The following CFAP92 variants were observed in gnomAD, a reference collection of about 807,000 sequenced individuals.
The protein encoded by CFAP92 is uncharacterized protein CFAP92.
Under a neutral mutation model 106.3 loss-of-function variants are expected in CFAP92, and 86 were observed. The ratio of observed to expected loss-of-function variants is 0.81; its 90% CI spans 0.68 to 0.97. The LOEUF (loss-of-function observed/expected upper bound fraction) is 0.97. Among genes scored for constraint, CFAP92 ranks in the 50% least tolerant of loss-of-function variants. The probability of loss-of-function intolerance (pLI) is 0.00; values close to 1 mark genes in which losing one functional copy is unlikely to be tolerated. For synonymous variants in CFAP92, 477 were observed against 506.4 expected (o/e 0.94, Z 0.78); for missense variants, 1,204 against 1,283.8 (o/e 0.94, Z 0.95).
At position 128,945,348 on chromosome 3, in the gene CFAP92, T is replaced by C. The variant is rs920694548; in HGVS notation, c.1981A>G (p.Ile661Val). The C allele has an allele frequency of 8.0e-5, 123 of 1,536,054 alleles. No individual in the cohort carries two copies. The highest frequency in any genetic ancestry group is 4.5e-4 in the Admixed American group (23 of 50,986). The change falls in exon 10 of 16, where the codon ATC becomes GTC. Residue 661 changes from isoleucine (I) to valine (V), a missense_variant. By Grantham distance (29) the Ile-to-Val change is conservative. Transcript: ENST00000645291. The part of the protein sequence containing the change: ...PDLGGSQFGR[I>V]IFVFDFKKVS... The stretch of plus-strand genomic sequence containing the variant: ...TTCTTAAAGTCAAAGACGAAGATGA[T>C]GCGGCCAAACTGGGAGCCCCCAAGG...
At chr3:128,963,326 C>G (rs534226713) in intron 9 of CFAP92, among the ~76,000 whole-genome samples, 103 of 152,232 alleles carry the variant, frequency 6.8e-4, no homozygotes, top group African/African-American at 2.3e-3. Flanking sequence ...ACTGTTTTAG[C>G]CTAGCCCTCA....
At position 128,993,149 on chromosome 3, in the gene CFAP92, G is replaced by C; in HGVS notation, c.156C>G (p.Cys52Trp). The C allele has an allele frequency of 1.2e-6, 2 of 1,614,086 alleles. No homozygotes were observed. Among genetic ancestry groups the C allele is most frequent in the Non-Finnish European group, 1.7e-6 (2 of 1,179,904 alleles). ...GCTCAGATGAGGACTCGATGCTGCT[G>C]CACGGGCGGTCAGAGTCAGACTCCT... is the stretch of plus-strand genomic sequence containing the variant. ...RAQESDSDRP[C>W]SSIESSSEPA... The change falls in exon 2 of 16, where the codon TGC (cysteine) becomes TGG (tryptophan). Residue 52 changes from cysteine (C) to tryptophan (W), a missense_variant. Cys to Trp is a radical substitution (Grantham distance 215, BLOSUM62 -2). Coordinates refer to ENST00000645291, the MANE Select transcript of CFAP92 (RefSeq NM_001394090.1).
At chr3:128,995,792 A>G (rs1486876695), upstream of CFAP92, among the ~76,000 whole-genome samples, 1 of 152,250 alleles carries the variant, frequency 6.6e-6, no homozygotes, top group Non-Finnish European at 1.5e-5. Context: ...GGCTTCATTA[A>G]AGACCTGTGG....
upstream of CFAP92, among the ~76,000 whole-genome samples, chr3:129,007,002 A>G (rs1945104438): frequency 6.6e-6 from 1 of 152,170 alleles, no homozygotes; most frequent in Non-Finnish European, 1.5e-5. Context: ...TCTAAAAGAA[A>G]AGTGTTACTG....
chr3:128,971,133 G>A lies in CFAP92; in HGVS notation c.1168+154C>T. Reference sequence around the variant, plus strand: ...CCTCTCTGGGCCTTTGTTTCCCCCTGTACTATGAAGCCAATTCCCCTGAGT... The same window carrying A: ...CCTCTCTGGGCCTTTGTTTCCCCCTATACTATGAAGCCAATTCCCCTGAGT... On this transcript the variant is annotated intron_variant, in intron 8 of 15. Transcript: ENST00000645291. 6 of 1,205,592 alleles carry A rather than the reference G, an allele frequency of 5.0e-6. No homozygotes were observed. In the South Asian group the frequency reaches 5.6e-5, roughly 11 times the overall value. The allele number at this position is 1,205,592 out of a possible 1,614,324, so 74.7% of individuals were successfully genotyped here.
At chr3:129,008,026 G>A in the CFAP92 span, among the ~76,000 whole-genome samples, 1 of 152,204 alleles carries the variant, frequency 6.6e-6, no homozygotes, top group Non-Finnish European at 1.5e-5. Context: ...TCTTTGGCAG[G>A]GCCATGATCC....
chr3:128,949,227 G>GA lies in CFAP92; in HGVS notation c.1354-3253dup, dbSNP rs367789350. Among the ~76,000 whole-genome samples the GA allele has an allele frequency of 1.8e-3, 281 of 152,278 alleles. 1 individual carries two copies. Among genetic ancestry groups the GA allele is most frequent in the African/African-American group, 6.4e-3 (266 of 41,542 alleles). ...TTGTTGGCATTTACCCTAAAGAACT[G>GA]AAAACTTATGTTCCTATAAAAACAT... is the stretch of plus-strand genomic sequence containing the variant. On this transcript the variant is annotated intron_variant, in intron 9 of 15. Transcript: ENST00000645291.
intron 2 of CFAP92, among the ~76,000 whole-genome samples, chr3:128,990,106 A>T (rs1043935974): frequency 7.2e-5 from 11 of 152,286 alleles, no homozygotes; most frequent in Non-Finnish European, 1.3e-4. Flanking sequence ...CATTTGAAAC[A>T]ACTCAAATAT....
At chr3:129,023,391 C>T in the CFAP92 span, among the ~76,000 whole-genome samples, 20 of 150,498 alleles carry the variant, frequency 1.3e-4, no homozygotes, top group African/African-American at 4.2e-4. Context: ...CGCAGTGGTG[C>T]GATCTTGGCT....
At chr3:128,922,094 C>T (rs1937336296) in intron 12 of CFAP92, among the ~76,000 whole-genome samples, 1 of 152,068 alleles carries the variant, frequency 6.6e-6, no homozygotes, top group African/African-American at 2.4e-5. Flanking sequence ...AATCCTAGCA[C>T]TTTGGGAGGC....
At chr3:128,974,732 A>G (rs1008124549) in intron 7 of CFAP92, among the ~76,000 whole-genome samples, 1 of 152,108 alleles carries the variant, frequency 6.6e-6, no homozygotes, top group Non-Finnish European at 1.5e-5. Context: ...GAGGCAGCAG[A>G]ATTGTTTGAA....
At position 128,910,476 on chromosome 3, in the gene CFAP92, C is replaced by G. The variant is rs1936160272; in HGVS notation, c.3281-143G>C. 7.1e-6 allele frequency: 6 copies of G among 848,682 alleles called. No individual in the cohort carries two copies. In the African/African-American group the frequency reaches 1.0e-4, roughly 14 times the overall value. The allele number at this position is 848,682 out of a possible 1,614,324, so 52.6% of individuals were successfully genotyped here. A position where few individuals can be genotyped will look rare whatever the true frequency, so the allele number is the denominator to read the frequency against. The stretch of plus-strand genomic sequence containing the variant: ...GACCCACTGTATACCAGGATCTCTG[C>G]CTGCACTTTCCAGAGCACCTGCAGA... On this transcript the variant is annotated intron_variant, in intron 15 of 15. Transcript: ENST00000645291.
At position 128,944,758 on chromosome 3, in the gene CFAP92, G is replaced by A. The variant is rs553378880; in HGVS notation, c.2258+313C>T. On this transcript the variant is annotated intron_variant, in intron 10 of 15. Transcript: ENST00000645291. The stretch of plus-strand genomic sequence containing the variant: ...CATCTTCAAAATGATCTTCCCTGGG[G>A]CAAGGTGAAATCTAATACAGAATAT... Among the ~76,000 whole-genome samples the A allele has an allele frequency of 1.0e-3, 158 of 152,244 alleles. 1 individual carries two copies. Among genetic ancestry groups the A allele is most frequent in the African/African-American group, 3.7e-3 (155 of 41,542 alleles).
At chr3:129,006,916 C>G (rs147490801), upstream of CFAP92, among the ~76,000 whole-genome samples, 99 of 152,300 alleles carry the variant, frequency 6.5e-4, 1 homozygote, top group African/African-American at 2.3e-3. Context: ...GGAGAGGAGA[C>G]AGAATAGCCA....
intron 9 of CFAP92, among the ~76,000 whole-genome samples, chr3:128,963,263 A>C (rs150249521): frequency 0.027 from 4,146 of 151,746 alleles, 128 homozygotes; most frequent in African/African-American, 0.081. Flanking sequence ...AGAATTCTTA[A>C]ACAAGAGCCA....
At chr3:128,925,112 A>C (rs1290648704) in intron 12 of CFAP92, among the ~76,000 whole-genome samples, 1 of 152,244 alleles carries the variant, frequency 6.6e-6, no homozygotes, top group African/African-American at 2.4e-5. Context: ...GATTTAGCAA[A>C]ATAGCAGTTT....
chr3:128,998,641 G>A (rs767366029), upstream of CFAP92, among the ~76,000 whole-genome samples: 17 of 152,232 alleles, frequency 1.1e-4, no homozygotes, highest in Non-Finnish European at 2.4e-4. Context: ...TGGTTTTTGC[G>A]GAGAAAAGCT....
intron 1 of CFAP92, chr3:129,001,912 C>T (rs1944785333): frequency 2.6e-6 from 4 of 1,538,444 alleles, no homozygotes; most frequent in Non-Finnish European, 3.5e-6. Context: ...GGGGCCACCA[C>T]GGCCGGGCAG....
chr3:128,981,081 G>A (rs1943501158), intron 4 of CFAP92, among the ~76,000 whole-genome samples: 1 of 150,286 alleles, frequency 6.7e-6, no homozygotes, highest in Non-Finnish European at 1.5e-5. Context: ...CCGTCACCCA[G>A]GCTGGAGTGC....
Sources: allele counts gnomAD v4.1 joint callset (sites outside exome capture counted in the v4.1 genomes callset), GRCh38; gene constraint gnomAD v4.1.1; transcripts MANE v1.5; gene names NCBI Gene and HGNC (gene_info 2026-07-23, HGNC 2026-07-21).